The following TMEM161B variants were observed in gnomAD, a reference collection of about 807,000 sequenced individuals.
TMEM161B encodes transmembrane protein 161B.
A neutral mutation model predicts 61.8 loss-of-function variants in TMEM161B; 34 were observed. The observed-to-expected ratio is 0.55, with a 90% CI of 0.42 to 0.73. The LOEUF is 0.73. Among genes scored for constraint, TMEM161B ranks in the 30% least tolerant of loss-of-function variants. The pLI is 0.00. For missense variants in TMEM161B, 456 were observed against 558.5 expected (o/e 0.82, Z 1.85); for synonymous variants, 167 against 192.8 (o/e 0.87, Z 1.11).
At chr5:88,186,069 G>T (rs189008929), downstream of TMEM161B, among the ~76,000 whole-genome samples, 140 of 152,268 alleles carry the variant, frequency 9.2e-4, 2 homozygotes, top group African/African-American at 3.2e-3. Context: ...AAGAGTCAAA[G>T]AAAACTATTA....
chr5:88,228,709 G>C (rs1406809330), intron 2 of TMEM161B, among the ~76,000 whole-genome samples, 181 bp from the exon 3 acceptor site: 1 of 152,058 alleles, frequency 6.6e-6, no homozygotes, highest in Non-Finnish European at 1.5e-5. Flanking sequence ...TAAACATCCA[G>C]CAGACACTTA....
At chr5:88,213,650 G>A (rs1747284931) in intron 5 of TMEM161B, among the ~76,000 whole-genome samples, 1 of 151,990 alleles carries the variant, frequency 6.6e-6, no homozygotes, top group Non-Finnish European at 1.5e-5. Context: ...GCAGCTAAAA[G>A]AGCAAAGTCA....
chr5:88,233,299 T>G (rs1005142674), intron 2 of TMEM161B, among the ~76,000 whole-genome samples: 1 of 152,306 alleles, frequency 6.6e-6, no homozygotes, highest in African/African-American at 2.4e-5. Flanking sequence ...GCCTTAGATA[T>G]TAGGTGAGGA....
intron 1 of TMEM161B, among the ~76,000 whole-genome samples, chr5:88,243,359 C>A (rs897276329): frequency 6.6e-6 from 1 of 151,746 alleles, no homozygotes; most frequent in Non-Finnish European, 1.5e-5. Context: ...TCTGTTCCTG[C>A]ATAAGTTTGC....
chr5:88,194,898 T>C (rs1749367657), downstream of TMEM161B: 1 of 152,914 alleles, frequency 6.5e-6, no homozygotes, highest in Admixed American at 6.6e-5. Flanking sequence ...TGACCCTTCA[T>C]TTTGAACTTT....
At chr5:88,211,992 G>A (rs549379016) in intron 5 of TMEM161B, among the ~76,000 whole-genome samples, 7 of 152,146 alleles carry the variant, frequency 4.6e-5, no homozygotes, top group African/African-American at 1.7e-4. Flanking sequence ...ATCCTCATGA[G>A]GTACATGAGC....
At chr5:88,236,667 AG>A (rs1295268110) in intron 2 of TMEM161B, among the ~76,000 whole-genome samples, 1 of 152,200 alleles carries the variant, frequency 6.6e-6, no homozygotes, top group Non-Finnish European at 1.5e-5. Context: ...AGACAGTGTG[AG>A]GGCATTAGAT....
intron 8 of TMEM161B, 52 bp from the exon 9 acceptor site, chr5:88,203,127 T>G: frequency 8.9e-7 from 1 of 1,126,882 alleles, no homozygotes; most frequent in Non-Finnish European, 1.3e-6. Flanking sequence ...CACGTGCTAA[T>G]AAACTACAGA....
intron 5 of TMEM161B, among the ~76,000 whole-genome samples, chr5:88,217,561 G>A (rs190293204): frequency 1.2e-4 from 18 of 151,448 alleles, no homozygotes; most frequent in African/African-American, 3.6e-4. Flanking sequence ...TGTGGTGGTG[G>A]CGGCAGCGGT....
chr5:88,187,862 CTT>C (rs1463190877), downstream of TMEM161B, among the ~76,000 whole-genome samples: 5 of 152,180 alleles, frequency 3.3e-5, no homozygotes, highest in Non-Finnish European at 5.9e-5. Flanking sequence ...TTGATGATCT[CTT>C]ATAGCTTCTT....
exon 13 of TMEM161B, chr5:88,189,771 G>A (rs1199894903): frequency 8.9e-6 from 3 of 337,538 alleles, no homozygotes; most frequent in African/African-American, 2.1e-5. Context: ...TTTATAAGGG[G>A]AATATCCTGC....
chr5:88,212,943 C>A (rs944421045), intron 5 of TMEM161B, among the ~76,000 whole-genome samples: 1 of 152,204 alleles, frequency 6.6e-6, no homozygotes, highest in Admixed American at 6.5e-5. Flanking sequence ...AAAACTTTCA[C>A]AAATTTATGA....
At chr5:88,258,324 A>G (rs1184890456) in intron 1 of TMEM161B, among the ~76,000 whole-genome samples, 2 of 152,170 alleles carry the variant, frequency 1.3e-5, no homozygotes, top group African/African-American at 4.8e-5. Context: ...TCGACACGCA[A>G]TATCCTACCC....
At chr5:88,240,705 T>C (rs1200600931) in intron 2 of TMEM161B, 108 bp downstream of exon 2, 6 of 913,840 alleles carry the variant, frequency 6.6e-6, no homozygotes, top group Non-Finnish European at 8.5e-6. Flanking sequence ...TAGATTTTTC[T>C]TATGACTTCC....
At chr5:88,221,888 T>A in intron 4 of TMEM161B, 1 of 358,854 alleles carries the variant, frequency 2.8e-6, no homozygotes, top group Non-Finnish European at 5.6e-6. Flanking sequence ...CACTTGAAGA[T>A]ACGATATCCT....
intron 5 of TMEM161B, among the ~76,000 whole-genome samples, chr5:88,219,356 A>G (rs568560631): frequency 3.5e-4 from 53 of 152,218 alleles, no homozygotes; most frequent in Non-Finnish European, 6.3e-4. Flanking sequence ...AAATCAAGGA[A>G]TGGCCTTGAA....
intron 8 of TMEM161B, 26 bp from the exon 9 acceptor site, chr5:88,203,101 A>G: frequency 7.1e-7 from 1 of 1,407,770 alleles, no homozygotes; most frequent in Non-Finnish European, 1.0e-6. Flanking sequence ...AAATAAATAT[A>G]AAAATTCAGA....
chr5:88,199,234 G>T, intron 9 of TMEM161B, 84 bp from the exon 10 acceptor site: 1 of 1,340,070 alleles, frequency 7.5e-7, no homozygotes, highest in South Asian at 1.5e-5. Flanking sequence ...CACCATATAA[G>T]ATATAAGAAG....
chr5:88,255,673 T>C (rs1321927497), intron 1 of TMEM161B, among the ~76,000 whole-genome samples: 1 of 152,246 alleles, frequency 6.6e-6, no homozygotes, highest in Non-Finnish European at 1.5e-5. Context: ...ATTGGGTTTG[T>C]CAGCACTGTT....
Sources: gnomAD v4.1 joint callset for allele counts (sites outside exome capture counted in the v4.1 genomes callset) on GRCh38, gnomAD v4.1.1 for gene constraint, MANE v1.5 for transcripts, NCBI Gene and HGNC (gene_info 2026-07-23, HGNC 2026-07-21) for gene names.